Variants in CDK13 observed in about 807,000 individuals in gnomAD.
CDK13 encodes cyclin dependent kinase 13, also known as cyclin-dependent kinase 13.
Under a neutral mutation model 137.6 loss-of-function variants are expected in CDK13, and 40 were observed. The observed-to-expected ratio is 0.29, with a 90% CI of 0.23 to 0.38. The LOEUF (loss-of-function observed/expected upper bound fraction) is 0.38, where lower values mean the gene tolerates loss of function less well. Ranked by LOEUF, CDK13 falls within the 10% of genes least tolerant of loss-of-function variation. The pLI is 1.00. For synonymous variants in CDK13, 869 were observed against 760.1 expected (o/e 1.14, Z -2.36); for missense variants, 1,704 against 1,951.8 (o/e 0.87, Z 2.39).
At chr7:40,065,131 A>T (rs1021789753) in intron 9 of CDK13, among the ~76,000 whole-genome samples, 48 of 151,632 alleles carry the variant, frequency 3.2e-4, no homozygotes, top group African/African-American at 1.1e-3. Flanking sequence ...AAGAACTGAT[A>T]CTCTTGGAAA....
At position 40,035,992 on chromosome 7, in the gene CDK13, G is replaced by A. The variant is rs75885114; in HGVS notation, c.2354-9844G>A. The stretch of plus-strand genomic sequence containing the variant: ...AGCCTGGGTGATATAGTAAGACCTC[G>A]TCTCTATAAAAAATTACAGAAATTA... On this transcript the variant is annotated intron_variant, in intron 5 of 13. Transcript: ENST00000181839. 4.7e-3 allele frequency among the ~76,000 whole-genome samples: 707 copies of A among 151,916 alleles called. 5 individuals are homozygous for A. The highest frequency in any genetic ancestry group is 0.015 in the African/African-American group (633 of 41,414).
intron 9 of CDK13, among the ~76,000 whole-genome samples, chr7:40,065,295 C>G (rs1786256349): frequency 6.6e-6 from 1 of 151,996 alleles, no homozygotes; most frequent in African/African-American, 2.4e-5. Flanking sequence ...ACAACAAAGT[C>G]TCTTAACTAT....
chr7:39,960,306 C>T (rs773403), intron 1 of CDK13, among the ~76,000 whole-genome samples: 68,125 of 151,340 alleles, frequency 0.45, 17,472 homozygotes, highest in East Asian at 0.63. Context: ...AGTGCAGTGG[C>T]ACGCAGTGTC....
In CDK13 at chr7:40,093,183, C is replaced by A; in HGVS notation, c.3634C>A (p.His1212Asn). 1 of 1,614,014 alleles carries A rather than the reference C, an allele frequency of 6.2e-7. No homozygotes were observed. The highest frequency in any genetic ancestry group is 8.5e-7 in the Non-Finnish European group (1 of 1,180,022). The change falls in exon 13 of 14, where the codon CAT (histidine) becomes AAT (asparagine). Residue 1212 changes from histidine (H) to asparagine (N), a missense_variant. Physicochemically the swap from His to Asn is moderately conservative, Grantham distance 68. This residue lies in a region of CDK13 where 475 missense variants were observed against 579.3 expected (regional missense o/e 0.82). Coordinates refer to ENST00000181839, the MANE Select transcript of CDK13 (RefSeq NM_003718.5). ...LLEERENGSG[H>N]EASLQLRPPP... is the part of the protein sequence containing the mutation. ...AGAAGAGAGGGAAAATGGATCGGGA[C>A]ATGAAGCGTCATTACAACTCAGGCC...
chr7:40,002,473 G>A (rs1206638637), intron 5 of CDK13, among the ~76,000 whole-genome samples: 3 of 152,062 alleles, frequency 2.0e-5, no homozygotes, highest in African/African-American at 4.8e-5. Context: ...AATCTATAGT[G>A]GGGTATGTAT....
At chr7:40,089,463 T>C (rs544788533) in intron 12 of CDK13, among the ~76,000 whole-genome samples, 1 of 151,698 alleles carries the variant, frequency 6.6e-6, no homozygotes, top group East Asian at 1.9e-4. Flanking sequence ...AAGGATATCT[T>C]ATATCTAGTT....
At chr7:40,036,416 A>G (rs890255457) in intron 5 of CDK13, among the ~76,000 whole-genome samples, 1 of 152,160 alleles carries the variant, frequency 6.6e-6, no homozygotes, top group East Asian at 1.9e-4. Flanking sequence ...TACCAAAAGT[A>G]CAACAATTAG....
intron 7 of CDK13, among the ~76,000 whole-genome samples, chr7:40,049,747 GC>G (rs1331340998): frequency 6.6e-6 from 1 of 151,994 alleles, no homozygotes; most frequent in Non-Finnish European, 1.5e-5. Context: ...TACTCCCTAT[GC>G]CCCGTATCTG....
intron 5 of CDK13, among the ~76,000 whole-genome samples, chr7:40,031,552 A>AT (rs1347693905): frequency 1.3e-5 from 2 of 151,984 alleles, no homozygotes; most frequent in Non-Finnish European, 2.9e-5. Context: ...GATATTAAGC[A>AT]TTTTTTCACT....
chr7:40,021,861 TGTTG>T (rs996640592), intron 5 of CDK13, among the ~76,000 whole-genome samples: 3 of 152,238 alleles, frequency 2.0e-5, no homozygotes, highest in Admixed American at 6.5e-5. Context: ...TAGTTATTTC[TGTTG>T]GTTTGATTTT....
intron 5 of CDK13, among the ~76,000 whole-genome samples, chr7:40,032,291 G>A (rs1334026253): frequency 2.0e-5 from 3 of 152,128 alleles, no homozygotes; most frequent in East Asian, 1.9e-4. Flanking sequence ...GACTGGTTTC[G>A]AACTCCTGGG....
intron 1 of CDK13, among the ~76,000 whole-genome samples, chr7:39,973,420 G>A (rs1482128831): frequency 6.6e-6 from 1 of 152,152 alleles, no homozygotes; most frequent in Non-Finnish European, 1.5e-5. Flanking sequence ...ATGGGCATGA[G>A]ACACCATGCC....
chr7:40,065,587 C>T (rs1786263219), intron 9 of CDK13, among the ~76,000 whole-genome samples: 1 of 152,100 alleles, frequency 6.6e-6, no homozygotes. Context: ...GTTGGACAAG[C>T]TTGCTTTAGA....
At chr7:39,976,317 TCTCTCTCACACACACACA>T (rs1784106898) in intron 1 of CDK13, among the ~76,000 whole-genome samples, 1 of 63,824 alleles carries the variant, frequency 1.6e-5, no homozygotes, top group African/African-American at 4.4e-5. Flanking sequence ...TCTCTCTCTC[TCTCTCTCACACACACACA>T]CACACACACA....
intron 12 of CDK13, among the ~76,000 whole-genome samples, chr7:40,089,825 GAGTT>G (rs1308683147): frequency 6.6e-6 from 1 of 151,954 alleles, no homozygotes; most frequent in Non-Finnish European, 1.5e-5. Context: ...GTTGATTGAT[GAGTT>G]AGTTGATTAA....
chr7:40,078,184 A>G, intron 10 of CDK13, 63 bp downstream of exon 10: 1 of 811,318 alleles, frequency 1.2e-6, no homozygotes, highest in African/African-American at 1.8e-5. Flanking sequence ...CTAGTGAATT[A>G]TAAATGTTAG....
At chr7:40,055,923 A>G (rs1786011147) in intron 7 of CDK13, among the ~76,000 whole-genome samples, 1 of 152,144 alleles carries the variant, frequency 6.6e-6, no homozygotes, top group African/African-American at 2.4e-5. Context: ...ATGTATTTTC[A>G]TATTACAACG....
At chr7:40,050,439 T>C (rs1053063622) in intron 7 of CDK13, among the ~76,000 whole-genome samples, 2 of 152,212 alleles carry the variant, frequency 1.3e-5, no homozygotes, top group Non-Finnish European at 1.5e-5. Context: ...TCGCCTAGGC[T>C]GGAGTGCAGT....
chr7:40,044,989 T>G (rs116972658), intron 5 of CDK13, among the ~76,000 whole-genome samples: 6,970 of 152,242 alleles, frequency 0.046, 202 homozygotes, highest in Middle Eastern at 0.079. Flanking sequence ...TGACATTGGT[T>G]GTTGGTTTCA....
Sources: allele counts gnomAD v4.1 joint callset (sites outside exome capture counted in the v4.1 genomes callset), GRCh38; gene constraint gnomAD v4.1.1; regional missense constraint gnomAD v4.1.1; transcripts MANE v1.5; gene names NCBI Gene and HGNC (gene_info 2026-07-23, HGNC 2026-07-21).